ABHD2: variants seen among roughly 807,000 people sequenced by gnomAD.
ABHD2 encodes the protein monoacylglycerol lipase ABHD2.
In ABHD2, 20 loss-of-function variants were observed where a neutral mutation model predicts 48.1. The observed-to-expected ratio is 0.42, with a 90% confidence interval of 0.29 to 0.60. The LOEUF is 0.60. Ranked by LOEUF, ABHD2 falls within the 20% of genes least tolerant of loss-of-function variation. The pLI is 0.24. For synonymous variants in ABHD2, 209 were observed against 214.2 expected (o/e 0.98, Z 0.21); for missense variants, 405 against 550.9 (o/e 0.74, Z 2.65).
chr15:89,103,618 G>A (rs1198923878), intron 1 of ABHD2, among the ~76,000 whole-genome samples: 2 of 152,132 alleles, frequency 1.3e-5, no homozygotes, highest in Non-Finnish European at 2.9e-5. Context: ...GTACAGCACA[G>A]AATGTTCAGG....
At chr15:89,135,144 T>TTTTC (rs1555429066) in intron 3 of ABHD2, among the ~76,000 whole-genome samples, 23,173 of 86,198 alleles carry the variant, frequency 0.27, 2,504 homozygotes, top group Non-Finnish European at 0.31. Context: ...CAACTTTTTC[T>TTTTC]TTTTTTTTTT....
chr15:89,170,005 G>A (rs2050895716), intron 5 of ABHD2, among the ~76,000 whole-genome samples: 1 of 148,470 alleles, frequency 6.7e-6, no homozygotes, highest in Admixed American at 6.8e-5. Flanking sequence ...ACGGGAGAGG[G>A]TGCCAGCCCC....
At chr15:89,074,385 AAAAG>A in the ABHD2 span, among the ~76,000 whole-genome samples, 101 of 152,226 alleles carry the variant, frequency 6.6e-4, no homozygotes, top group Admixed American at 3.9e-3. Flanking sequence ...GAAAAAAAAA[AAAAG>A]AGTCACCTGA....
intron 6 of ABHD2, among the ~76,000 whole-genome samples, chr15:89,178,655 C>T (rs781412802): frequency 3.3e-5 from 5 of 152,250 alleles, no homozygotes; most frequent in African/African-American, 4.8e-5. Context: ...AGCTCACCTT[C>T]TACCTAAATG....
chr15:89,188,383 T>G lies in ABHD2; in HGVS notation c.926+80T>G, dbSNP rs373129521. On this transcript the variant is annotated intron_variant, in intron 8 of 10. Coordinates refer to ENST00000352732, the MANE Select transcript of ABHD2 (RefSeq NM_152924.5). This position sits in a 1 kb window ranked among gnomAD's most constrained non-coding sequence, Gnocchi z 4.1. ...GCTGCAGGTCAGCTGTGCCCAGCAC[T>G]AGTGTTTGCTCTGCCTACTTGAGTG... The G allele has an allele frequency of 4.3e-5, 55 of 1,266,020 alleles. No homozygotes were observed. Among genetic ancestry groups the G allele is most frequent in the African/African-American group, 4.0e-4 (27 of 68,098 alleles). 78.4% of individuals were successfully genotyped at this position (1,266,020 alleles called of 1,614,324 possible).
Position 89,116,245 on chromosome 15 carries a change from C to A in ABHD2, c.-6-77C>A. On this transcript the variant is annotated intron_variant, in intron 2 of 10. Coordinates refer to ENST00000352732, the MANE Select transcript of ABHD2 (RefSeq NM_152924.5). The surrounding 1 kb of genome is among the most constrained non-coding windows in gnomAD (Gnocchi z 4.6). ...GTCACTGGCAGTATCTCTTAGCCCA[C>A]CATGCGTCTGTAGGGTGGTGGGCAC... 7.3e-7 allele frequency: 1 copy of A among 1,372,900 alleles called. No individual in the cohort carries two copies. The allele number at this position is 1,372,900 out of a possible 1,614,324, so 85.0% of individuals were successfully genotyped here. A position where few individuals can be genotyped will look rare whatever the true frequency, so the allele number is the denominator to read the frequency against.
rs1466558238 is a variant in ABHD2, at chr15:89,174,966, G to A, written c.539-846G>A. 2.0e-5 allele frequency among the ~76,000 whole-genome samples: 3 copies of A among 152,194 alleles called. No homozygotes were observed. The highest frequency in any genetic ancestry group is 2.4e-5 in the African/African-American group (1 of 41,438). ...AGGTCTCATCTGTGTATTTTTGAAT[G>A]AGCCTGCCTCCCTTGGCACCCTGTC... On this transcript the variant is annotated intron_variant, in intron 5 of 10. Coordinates refer to ENST00000352732, the MANE Select transcript of ABHD2 (RefSeq NM_152924.5). The surrounding 1 kb of genome is among the most constrained non-coding windows in gnomAD (Gnocchi z 4.1).
At chr15:89,057,573 G>C in the ABHD2 span, among the ~76,000 whole-genome samples, 1 of 152,162 alleles carries the variant, frequency 6.6e-6, no homozygotes, top group Non-Finnish European at 1.5e-5. Flanking sequence ...GCCCCTTCTT[G>C]TTTAGCCATG....
rs997810046 is a variant in ABHD2, at chr15:89,179,598, C to T, written c.722+3603C>T. On this transcript the variant is annotated intron_variant, in intron 6 of 10. Transcript: ENST00000352732. This position sits in a 1 kb window ranked among gnomAD's most constrained non-coding sequence, Gnocchi z 4.3. ...TGGTGAGTTGTAGAATTATTTCATT[C>T]TGTATGATAATGTAATAATAATAGG... Among the ~76,000 whole-genome samples the T allele has an allele frequency of 2.6e-5, 4 of 152,080 alleles. No individual in the cohort carries two copies. Among genetic ancestry groups the T allele is most frequent in the Non-Finnish European group, 4.4e-5 (3 of 68,008 alleles).
At chr15:89,121,738 G>A (rs1371156580) in intron 3 of ABHD2, among the ~76,000 whole-genome samples, 1 of 152,110 alleles carries the variant, frequency 6.6e-6, no homozygotes, top group Non-Finnish European at 1.5e-5. Flanking sequence ...TGAAGTACCT[G>A]ACCTTTGGGC....
chr15:89,091,753 C>T lies in ABHD2; in HGVS notation c.-107+3190C>T, dbSNP rs1385800819. Among the ~76,000 whole-genome samples, 1 of 152,198 alleles carries T rather than the reference C, an allele frequency of 6.6e-6. No homozygotes were observed. Among genetic ancestry groups the T allele is most frequent in the African/African-American group, 2.4e-5 (1 of 41,448 alleles). The stretch of plus-strand genomic sequence containing the variant: ...TGTGTGGCAGAATTTCTACCATGAC[C>T]TACAGCTTACAGTATTCCCATTTTT... On this transcript the variant is annotated intron_variant, in intron 1 of 10. Coordinates refer to ENST00000352732, the MANE Select transcript of ABHD2 (RefSeq NM_152924.5). This position sits in a 1 kb window ranked among gnomAD's most constrained non-coding sequence, Gnocchi z 5.5.
intron 1 of ABHD2, among the ~76,000 whole-genome samples, chr15:89,090,129 T>G (rs1158465766): frequency 2.0e-5 from 3 of 152,140 alleles, no homozygotes; most frequent in Non-Finnish European, 4.4e-5. Flanking sequence ...ATTCTCAGTG[T>G]TTTAAGTTCT....
intron 6 of ABHD2, among the ~76,000 whole-genome samples, chr15:89,181,046 T>G (rs1420256148): frequency 2.0e-5 from 3 of 151,694 alleles, no homozygotes; most frequent in Non-Finnish European, 4.4e-5. Context: ...ACCAACATGG[T>G]GAAACACCAC....
chr15:89,103,322 C>A (rs116867478), intron 1 of ABHD2, among the ~76,000 whole-genome samples: 1 of 152,184 alleles, frequency 6.6e-6, no homozygotes, highest in East Asian at 1.9e-4. Context: ...TGAGGATATC[C>A]GTGCATATTT....
chr15:89,155,452 A>G lies in ABHD2; in HGVS notation c.456A>G (p.Lys152=). The G allele has an allele frequency of 6.2e-7, 1 of 1,614,220 alleles. No individual in the cohort carries two copies. Among genetic ancestry groups the G allele is most frequent in the Non-Finnish European group, 8.5e-7 (1 of 1,180,042 alleles). Residue 152 remains lysine, a synonymous_variant, in exon 5 of 11, where the codon AAA becomes AAG. Coordinates refer to ENST00000352732, the MANE Select transcript of ABHD2 (RefSeq NM_152924.5). The surrounding 1 kb of genome is among the most constrained non-coding windows in gnomAD (Gnocchi z 4.9). ...YIRTFVDYAQ[K]NGYRCAVLNH... is the part of the protein sequence containing the mutation. Reference sequence around the variant, plus strand: ...GCACTTTCGTTGACTACGCCCAGAAAAATGGCTATCGGTGCGCCGTGCTGA... The same window carrying G: ...GCACTTTCGTTGACTACGCCCAGAAGAATGGCTATCGGTGCGCCGTGCTGA...
chr15:89,143,496 C>T (rs1237411343), intron 3 of ABHD2, among the ~76,000 whole-genome samples: 2 of 152,156 alleles, frequency 1.3e-5, no homozygotes, highest in South Asian at 2.1e-4. Context: ...GGAGAAACCC[C>T]GTCTGTACTA....
intron 5 of ABHD2, among the ~76,000 whole-genome samples, chr15:89,165,717 A>C (rs1012065838): frequency 3.3e-5 from 5 of 152,208 alleles, no homozygotes; most frequent in African/African-American, 1.2e-4. Flanking sequence ...GATTTTCTTG[A>C]AGTGTATTTA....
chr15:89,074,845 T>G, the ABHD2 span, among the ~76,000 whole-genome samples: 2 of 152,206 alleles, frequency 1.3e-5, no homozygotes, highest in Admixed American at 1.3e-4. Flanking sequence ...TATGCTGAAC[T>G]CCGCCATCAC....
upstream of ABHD2, among the ~76,000 whole-genome samples, chr15:89,085,340 C>T (rs570637470): frequency 0.012 from 1,755 of 152,192 alleles, 32 homozygotes; most frequent in African/African-American, 0.04. This position sits in a 1 kb window ranked among gnomAD's most constrained non-coding sequence, Gnocchi z 4.2. Flanking sequence ...CAACGGGCCA[C>T]TAAACTTGAA....
Sources: gnomAD v4.1 joint callset for allele counts (sites outside exome capture counted in the v4.1 genomes callset) on GRCh38, gnomAD v4.1.1 for gene constraint, Gnocchi (gnomAD v3.1) non-coding constraint, MANE v1.5 for transcripts, NCBI Gene and HGNC (gene_info 2026-07-23, HGNC 2026-07-21) for gene names.